The following EXT2 variants were observed in gnomAD, a reference collection of about 807,000 sequenced individuals.
EXT2 encodes the protein exostosin glycosyltransferase 2.
Under a neutral mutation model 81.6 loss-of-function variants are expected in EXT2, and 53 were observed. The ratio of observed to expected loss-of-function variants is 0.65; its 90% CI spans 0.52 to 0.82. The LOEUF is 0.82. Among genes scored for constraint, EXT2 ranks in the 40% least tolerant of loss-of-function variants. EXT2 has a pLI of 0.00. For synonymous variants in EXT2, 320 were observed against 340.0 expected, an observed-to-expected ratio of 0.94 and a Z score of 0.65; for missense variants, 774 against 910.2, an observed-to-expected ratio of 0.85 and a Z score of 1.93.
chr11:44,174,651 G>T (rs1443944888), intron 8 of EXT2, among the ~76,000 whole-genome samples: 2 of 151,430 alleles, frequency 1.3e-5, no homozygotes, highest in African/African-American at 4.9e-5. Flanking sequence ...TATATTTTTA[G>T]ATATACAATT....
intron 1 of EXT2, among the ~76,000 whole-genome samples, chr11:44,097,764 ATAAATAAATAAAT>A (rs1209577435): frequency 6.6e-5 from 6 of 90,910 alleles, no homozygotes; most frequent in African/African-American, 2.5e-4. Context: ...ATCTCAAAAA[ATAAATAAATAAAT>A]AAATAAATAA....
chr11:44,193,333 C>G (rs951936249), intron 8 of EXT2, among the ~76,000 whole-genome samples: 1 of 152,166 alleles, frequency 6.6e-6, no homozygotes, highest in African/African-American at 2.4e-5. Flanking sequence ...AACGTAAAGC[C>G]TGGAGAAATT....
intron 10 of EXT2, among the ~76,000 whole-genome samples, 185 bp from the exon 11 acceptor site, chr11:44,232,168 T>C (rs559713956): frequency 1.4e-4 from 21 of 152,306 alleles, no homozygotes; most frequent in African/African-American, 5.1e-4. Context: ...AATCAGCATC[T>C]GTCTTTGAGT....
At chr11:44,184,914 C>T (rs1026513594) in intron 8 of EXT2, among the ~76,000 whole-genome samples, 1 of 152,134 alleles carries the variant, frequency 6.6e-6, no homozygotes, top group Non-Finnish European at 1.5e-5. Flanking sequence ...ATGAATGGCT[C>T]ATATTTTGGT....
chr11:44,128,969 G>A lies in EXT2; in HGVS notation c.1080-1076G>A, dbSNP rs529681243. ...TAATGGACTAGCCTAGTTGGCAGAA[G>A]TGAGGTTTAGAGTTTAATCATTAAT... On this transcript the variant is annotated intron_variant, in intron 6 of 13. Transcript: ENST00000533608. Among the ~76,000 whole-genome samples, 3 of 152,360 alleles carry A rather than the reference G, an allele frequency of 2.0e-5. No individual in the cohort carries two copies. In the East Asian group the frequency reaches 5.8e-4, roughly 29 times the overall value.
chr11:44,125,585 A>G, intron 5 of EXT2, among the ~76,000 whole-genome samples: 1 of 152,032 alleles, frequency 6.6e-6, no homozygotes, highest in Non-Finnish European at 1.5e-5. Flanking sequence ...TTCCAAGGGT[A>G]TGGGGGCTAG....
At chr11:44,174,410 TTA>T (rs146727310) in intron 8 of EXT2, among the ~76,000 whole-genome samples, 46 of 149,270 alleles carry the variant, frequency 3.1e-4, no homozygotes, top group East Asian at 5.9e-4. Flanking sequence ...AATTTACATT[TTA>T]TATATATATA....
chr11:44,099,036 T>C (rs902459573), intron 1 of EXT2, among the ~76,000 whole-genome samples: 1 of 152,156 alleles, frequency 6.6e-6, no homozygotes, highest in African/African-American at 2.4e-5. Context: ...AGGGTCTCCA[T>C]TGTCGCCCAG....
At chr11:44,221,294 C>A (rs1955779543) in intron 10 of EXT2, among the ~76,000 whole-genome samples, 1 of 152,202 alleles carries the variant, frequency 6.6e-6, no homozygotes, top group South Asian at 2.1e-4. Flanking sequence ...TCACCTCACC[C>A]CAGGATCTTT....
At chr11:44,104,086 G>A (rs557738994) in intron 1 of EXT2, among the ~76,000 whole-genome samples, 2 of 152,200 alleles carry the variant, frequency 1.3e-5, no homozygotes, top group South Asian at 4.1e-4. Context: ...ATAAAGATTT[G>A]TGAAGCTCAT....
intron 13 of EXT2, among the ~76,000 whole-genome samples, chr11:44,239,715 T>TG (rs56815768): frequency 8.3e-6 from 1 of 121,084 alleles, no homozygotes; most frequent in African/African-American, 3.1e-5. Flanking sequence ...TTTTTTTTTT[T>TG]GGAAGACCAG....
At chr11:44,176,040 T>C (rs1565222906) in intron 8 of EXT2, among the ~76,000 whole-genome samples, 3 of 152,334 alleles carry the variant, frequency 2.0e-5, no homozygotes, top group East Asian at 3.9e-4. Flanking sequence ...TATGGAATTA[T>C]AGGGGAGCCC....
rs1172551667 is a variant in EXT2 at position 44,220,024 on chromosome 11, T to A, written c.1663-12329T>A. Among the ~76,000 whole-genome samples, 1 of 152,218 alleles carries A rather than the reference T, an allele frequency of 6.6e-6. No homozygotes were observed. Among genetic ancestry groups the A allele is most frequent in the Non-Finnish European group, 1.5e-5 (1 of 68,038 alleles). On this transcript the variant is annotated intron_variant, in intron 10 of 13. Transcript: ENST00000533608. The surrounding 1 kb of genome is among the most constrained non-coding windows in gnomAD (Gnocchi z 4.4). ...TAGGAATTAAAGTCTTTCTTTCTCTTATCTGGATGGTGGCCTGTATCCAGA... is the reference window on the plus strand; with the variant it reads ...TAGGAATTAAAGTCTTTCTTTCTCTAATCTGGATGGTGGCCTGTATCCAGA...
At chr11:44,235,235 T>TTC in intron 12 of EXT2, among the ~76,000 whole-genome samples, 1 of 123,370 alleles carries the variant, frequency 8.1e-6, no homozygotes, top group Non-Finnish European at 1.7e-5. Context: ...CTTTTTTTTT[T>TTC]TTTTTTTTTT....
intron 10 of EXT2, among the ~76,000 whole-genome samples, chr11:44,210,715 G>A (rs549380967): frequency 8.5e-5 from 13 of 152,238 alleles, no homozygotes; most frequent in African/African-American, 3.1e-4. Context: ...TTATACTCTA[G>A]CAGTAGCATA....
intron 7 of EXT2, among the ~76,000 whole-genome samples, chr11:44,141,899 G>A (rs1427674628): frequency 2.0e-5 from 3 of 152,186 alleles, no homozygotes; most frequent in African/African-American, 4.8e-5. Flanking sequence ...GATCATTACA[G>A]GAAGCGAAGT....
intron 10 of EXT2, among the ~76,000 whole-genome samples, chr11:44,214,879 G>GTT (rs1262511301): frequency 6.6e-6 from 1 of 151,318 alleles, no homozygotes; most frequent in Non-Finnish European, 1.5e-5. Context: ...AGTCTCCCCA[G>GTT]TTGCTAGGAC....
intron 8 of EXT2, among the ~76,000 whole-genome samples, chr11:44,173,077 C>T (rs116537940): frequency 0.032 from 4,805 of 152,206 alleles, 248 homozygotes; most frequent in African/African-American, 0.11. Flanking sequence ...AGAAGCTCTC[C>T]GCTGATTTGG....
At chr11:44,239,689 CTTTTT>C (rs397849292) in intron 13 of EXT2, among the ~76,000 whole-genome samples, 1 of 85,336 alleles carries the variant, frequency 1.2e-5, no homozygotes, top group African/African-American at 5.0e-5. Flanking sequence ...CCCTGCCTGG[CTTTTT>C]TTTTTTTTTT....
Sources: gnomAD v4.1 joint callset for allele counts (sites outside exome capture counted in the v4.1 genomes callset) on GRCh38, gnomAD v4.1.1 for gene constraint, Gnocchi (gnomAD v3.1) non-coding constraint, MANE v1.5 for transcripts, NCBI Gene and HGNC (gene_info 2026-07-23, HGNC 2026-07-21) for gene names.